The following RAB31 variants were observed in gnomAD, a reference collection of about 807,000 sequenced individuals.
The protein encoded by RAB31 is RAB31, member RAS oncogene family.
A neutral mutation model predicts 25.6 loss-of-function variants in RAB31; 21 were observed. The ratio of observed to expected loss-of-function variants is 0.82; its 90% confidence interval spans 0.58 to 1.18. The LOEUF (loss-of-function observed/expected upper bound fraction) is 1.18. RAB31 is among the 50% of genes most tolerant of loss of function. The pLI is 0.00. For missense variants in RAB31, 196 were observed against 250.1 expected (o/e 0.78, Z 1.46); for synonymous variants, 87 against 84.0 (o/e 1.04, Z -0.20).
At chr18:9,821,207 G>T (rs1022006195) in intron 5 of RAB31, among the ~76,000 whole-genome samples, 2 of 152,014 alleles carry the variant, frequency 1.3e-5, no homozygotes, top group Admixed American at 6.5e-5. Flanking sequence ...AACATACTTT[G>T]TATGATTTTA....
At chr18:9,777,802 T>C (rs2068380629) in intron 2 of RAB31, among the ~76,000 whole-genome samples, 1 of 147,350 alleles carries the variant, frequency 6.8e-6, no homozygotes, top group Non-Finnish European at 1.5e-5. Flanking sequence ...TCGCCCATGC[T>C]AGAGTGCAAT....
intron 2 of RAB31, among the ~76,000 whole-genome samples, chr18:9,782,784 C>T (rs1432390674): frequency 1.3e-5 from 2 of 152,154 alleles, no homozygotes; most frequent in African/African-American, 4.8e-5. Context: ...GCAGCCTCCA[C>T]CTCCCAGGCT....
chr18:9,755,081 G>C (rs966116546), intron 1 of RAB31, among the ~76,000 whole-genome samples: 1 of 152,144 alleles, frequency 6.6e-6, no homozygotes, highest in Non-Finnish European at 1.5e-5. Flanking sequence ...CGTCACACTA[G>C]TAAGTCTGTC....
chr18:9,712,724 GTGTGCGTGCACTTAAAA>G (rs1176210745), intron 1 of RAB31, among the ~76,000 whole-genome samples: 2 of 148,944 alleles, frequency 1.3e-5, no homozygotes, highest in African/African-American at 5.0e-5. Context: ...TGGGGTATTT[GTGTGCGTGCACTTAAAA>G]ACTGCGTGCA....
chr18:9,861,526 T>A lies in RAB31; in HGVS notation c.*2201T>A, dbSNP rs1400390717. The A allele has an allele frequency of 2.6e-5, 4 of 152,202 alleles. No individual in the cohort carries two copies. Among genetic ancestry groups the A allele is most frequent in the African/African-American group, 7.2e-5 (3 of 41,448 alleles). The allele number at this position is 152,202 out of a possible 1,614,324, so 9.4% of individuals were successfully genotyped here. A position where few individuals can be genotyped will look rare whatever the true frequency, so the allele number is the denominator to read the frequency against. ...ACACTTGGGCACACCAGGATTCACA[T>A]AAACATTGTATCTTCTCTGTGGATG... On this transcript the variant is annotated 3_prime_UTR_variant, in exon 7 of 7. Coordinates refer to ENST00000578921, the MANE Select transcript of RAB31 (RefSeq NM_006868.4).
chr18:9,825,572 G>T (rs1440094289), intron 5 of RAB31, among the ~76,000 whole-genome samples: 1 of 152,110 alleles, frequency 6.6e-6, no homozygotes, highest in Non-Finnish European at 1.5e-5. Context: ...GGCAGGCAAG[G>T]GTATGTGCAT....
intron 2 of RAB31, among the ~76,000 whole-genome samples, chr18:9,780,493 C>A (rs1315230876): frequency 6.6e-6 from 1 of 152,084 alleles, no homozygotes; most frequent in East Asian, 1.9e-4. Context: ...CAGCCCTTTT[C>A]TTGTATAAGT....
chr18:9,744,423 T>G (rs1443370878), intron 1 of RAB31, among the ~76,000 whole-genome samples: 2 of 152,240 alleles, frequency 1.3e-5, no homozygotes, highest in African/African-American at 4.8e-5. Flanking sequence ...CTCTGACTTC[T>G]CCTTTTAACT....
rs376768094 is a variant in RAB31 at position 9,845,578 on chromosome 18, C to T, written c.381-4C>T. The T allele has an allele frequency of 1.3e-6, 2 of 1,532,522 alleles. No homozygotes were observed. The highest frequency in any genetic ancestry group is 8.8e-7 in the Non-Finnish European group (1 of 1,142,364). 94.9% of individuals were successfully genotyped at this position (1,532,522 alleles called of 1,614,324 possible). On this transcript the variant is annotated splice_region_variant and splice_polypyrimidine_tract_variant and intron_variant, in intron 5 of 6. Transcript: ENST00000578921. ...TTCCTGTCTACATTTGACCTCTTTT[C>T]CAGGGAGGTTCCCCTGAAGGATGCT...
chr18:9,846,838 T>C (rs995466438), intron 6 of RAB31, among the ~76,000 whole-genome samples: 15 of 152,250 alleles, frequency 9.9e-5, no homozygotes, highest in African/African-American at 3.1e-4. Context: ...CTGTCTTACC[T>C]ACACTATGCA....
intron 1 of RAB31, among the ~76,000 whole-genome samples, chr18:9,767,601 T>C (rs2068322747): frequency 2.0e-5 from 3 of 152,216 alleles, no homozygotes; most frequent in African/African-American, 4.8e-5. Context: ...TTTAAGGCCC[T>C]TTTCACGTTC....
At chr18:9,765,662 A>G (rs2068312041) in intron 1 of RAB31, among the ~76,000 whole-genome samples, 1 of 152,180 alleles carries the variant, frequency 6.6e-6, no homozygotes, top group African/African-American at 2.4e-5. Flanking sequence ...AGGCCCAGTA[A>G]GTCTGTAATC....
chr18:9,831,005 G>A (rs188712305), intron 5 of RAB31, among the ~76,000 whole-genome samples: 8 of 152,342 alleles, frequency 5.3e-5, no homozygotes, highest in Admixed American at 5.2e-4. Context: ...TGTGCACAGT[G>A]TTTCTTGGGC....
In RAB31 at chr18:9,812,920, C is replaced by G. The variant is rs551970505; in HGVS notation, c.202-1100C>G. On this transcript the variant is annotated intron_variant, in intron 3 of 6. Transcript: ENST00000578921. ...CCATATTGGCCAGGCTGTTCTCAAA[C>G]TCCTGACCTCGGGTGATCCTGCCTG... Among the ~76,000 whole-genome samples, 58 of 152,212 alleles carry G rather than the reference C, an allele frequency of 3.8e-4. 1 individual carries two copies. The highest frequency in any genetic ancestry group is 1.2e-3 in the African/African-American group (51 of 41,526).
chr18:9,758,618 T>C (rs7241292), intron 1 of RAB31, among the ~76,000 whole-genome samples: 3,740 of 152,252 alleles, frequency 0.025, 41 homozygotes, highest in Middle Eastern at 0.054. Flanking sequence ...CAGTCGATGC[T>C]ACTTCCCAGT....
intron 1 of RAB31, among the ~76,000 whole-genome samples, chr18:9,730,933 TC>T (rs2068119828): frequency 6.6e-6 from 1 of 152,194 alleles, no homozygotes; most frequent in African/African-American, 2.4e-5. Flanking sequence ...GTTTATCGTC[TC>T]CCATGAGTTG....
chr18:9,815,319 G>A, intron 5 of RAB31, 97 bp downstream of exon 5: 1 of 439,900 alleles, frequency 2.3e-6, no homozygotes, highest in Non-Finnish European at 3.9e-6. Context: ...TGTCATCCGT[G>A]TAGATGCTGT....
At chr18:9,796,240 G>A (rs776253025) in intron 3 of RAB31, among the ~76,000 whole-genome samples, 8 of 152,180 alleles carry the variant, frequency 5.3e-5, no homozygotes, top group Non-Finnish European at 1.2e-4. Flanking sequence ...AAGGGTGGGA[G>A]TGGGGGTGAG....
intron 3 of RAB31, among the ~76,000 whole-genome samples, chr18:9,811,684 C>G (rs577279883): frequency 6.6e-6 from 1 of 152,194 alleles, no homozygotes; most frequent in South Asian, 2.1e-4. Context: ...TTTAGAGGAA[C>G]CTCGTGTTAT....
Sources: allele counts gnomAD v4.1 joint callset (sites outside exome capture counted in the v4.1 genomes callset), GRCh38; gene constraint gnomAD v4.1.1; transcripts MANE v1.5; gene names NCBI Gene and HGNC (gene_info 2026-07-23, HGNC 2026-07-21).